The following IMPG2 variants were observed in gnomAD, a reference collection of about 807,000 sequenced individuals.
The protein encoded by IMPG2 is interphotoreceptor matrix proteoglycan 2, also known as IPM 200.
A neutral mutation model predicts 129.2 loss-of-function variants in IMPG2; 91 were observed. The observed-to-expected ratio is 0.70, with a 90% CI of 0.59 to 0.84. The LOEUF (loss-of-function observed/expected upper bound fraction) is 0.84. Among genes scored for constraint, IMPG2 ranks in the 40% least tolerant of loss-of-function variants. The probability of loss-of-function intolerance (pLI) is 0.00; values close to 1 mark genes in which losing one functional copy is unlikely to be tolerated. For missense variants in IMPG2, 1,430 were observed against 1,461.7 expected (o/e 0.98, Z 0.35); for synonymous variants, 510 against 517.7 (o/e 0.99, Z 0.20).
In IMPG2 at chr3:101,296,836, C is replaced by T. The variant is rs550042947; in HGVS notation, c.502-5326G>A. On this transcript the variant is annotated intron_variant, in intron 3 of 18. Transcript: ENST00000193391. ...GGGTGTATGTGTCCAGGAATTTATC[C>T]GTGTCTTCTAGATTTTCTAGTTTAT... 2.0e-5 allele frequency among the ~76,000 whole-genome samples: 3 copies of T among 152,164 alleles called. No homozygotes were observed. The South Asian group carries it at 6.2e-4, about 32-fold the overall frequency.
At chr3:101,248,724 C>T (rs1438333379) in intron 11 of IMPG2, among the ~76,000 whole-genome samples, 2 of 152,216 alleles carry the variant, frequency 1.3e-5, no homozygotes, top group Non-Finnish European at 2.9e-5. Context: ...ACTAAAAGCA[C>T]TCTGTCTAAC....
At chr3:101,308,262 C>T (rs1478482512) in intron 2 of IMPG2, among the ~76,000 whole-genome samples, 4 of 121,568 alleles carry the variant, frequency 3.3e-5, no homozygotes. Context: ...CTAGTCAGTG[C>T]CCCAGTGGGG....
rs146467197 is a variant in IMPG2, at chr3:101,307,475, A to G, written c.335-3163T>C. Among the ~76,000 whole-genome samples, 899 of 152,302 alleles carry G rather than the reference A, an allele frequency of 5.9e-3. 6 individuals carry two copies. Among genetic ancestry groups the G allele is most frequent in the African/African-American group, 0.021 (865 of 41,546 alleles). On this transcript the variant is annotated intron_variant, in intron 2 of 18. Transcript: ENST00000193391. ...GGGAGGCCTCAGGAAACTTACAATCATGGTGGAAGGGAAGCAAACACATCC... is the reference window on the plus strand; with the variant it reads ...GGGAGGCCTCAGGAAACTTACAATCGTGGTGGAAGGGAAGCAAACACATCC...
In IMPG2 at chr3:101,245,824, A is replaced by G. The variant is rs906816401; in HGVS notation, c.1521T>C (p.Ser507=). The change falls in exon 12 of 19, where the codon TCT becomes TCC. Residue 507 remains serine, a synonymous_variant. Transcript: ENST00000193391. ...GLPVASEERT[S]GSHLVEDGLA... is the part of the protein sequence containing the mutation. ...CACCATCTTCTACCAAGTGAGATCCAGAAGTCCTTTCCTCAGAAGCCACAG... is the reference window on the plus strand; with the variant it reads ...CACCATCTTCTACCAAGTGAGATCCGGAAGTCCTTTCCTCAGAAGCCACAG... 4 of 1,614,168 alleles carry G rather than the reference A, an allele frequency of 2.5e-6. No homozygotes were observed. Among genetic ancestry groups the G allele is most frequent in the Admixed American group, 1.7e-5 (1 of 60,014 alleles).
intron 4 of IMPG2, among the ~76,000 whole-genome samples, chr3:101,278,321 A>G (rs552330389): frequency 6.6e-6 from 1 of 152,278 alleles, no homozygotes; most frequent in African/African-American, 2.4e-5. Flanking sequence ...TATCTCCCTC[A>G]TAGACGTGCC....
At chr3:101,273,847 T>G (rs1706813477) in intron 6 of IMPG2, 105 bp from the exon 7 acceptor site, 1 of 1,100,756 alleles carries the variant, frequency 9.1e-7, no homozygotes, top group Non-Finnish European at 1.4e-6. Flanking sequence ...AGGCAGCTTC[T>G]GAAGATAATC....
At chr3:101,259,107 C>T (rs952590957) in intron 9 of IMPG2, among the ~76,000 whole-genome samples, 10 of 152,084 alleles carry the variant, frequency 6.6e-5, no homozygotes, top group African/African-American at 2.4e-4. Context: ...CTCTCAGTAG[C>T]TTCAATTAAA....
At position 101,226,251 on chromosome 3, in the gene IMPG2, A is replaced by G. The variant is rs1222340886; in HGVS notation, c.*718T>C. The G allele has an allele frequency of 3.8e-5, 1 of 26,106 alleles. No homozygotes were observed. Among genetic ancestry groups the G allele is most frequent in the African/African-American group, 1.1e-4 (1 of 9,222 alleles). The allele number at this position is 26,106 out of a possible 1,614,324, so 1.6% of individuals were successfully genotyped here. A position where few individuals can be genotyped will look rare whatever the true frequency, so the allele number is the denominator to read the frequency against. On this transcript the variant is annotated 3_prime_UTR_variant, in exon 19 of 19. Transcript: ENST00000193391. ...TATATATATATATATATATATATAT[A>G]TATATATATATATATATATATATAT...
At chr3:101,266,169 G>A (rs779095181) in intron 9 of IMPG2, among the ~76,000 whole-genome samples, 7 of 152,090 alleles carry the variant, frequency 4.6e-5, no homozygotes, top group Non-Finnish European at 7.4e-5. Flanking sequence ...ACAAATGGAA[G>A]TACCATATGA....
chr3:101,241,591 G>T (rs1201543425), intron 14 of IMPG2, among the ~76,000 whole-genome samples: 1 of 152,148 alleles, frequency 6.6e-6, no homozygotes, highest in Non-Finnish European at 1.5e-5. Flanking sequence ...CTGGTCCAAA[G>T]GAGAGATCAT....
chr3:101,283,419 G>A (rs1390507097), intron 4 of IMPG2, among the ~76,000 whole-genome samples: 6 of 151,990 alleles, frequency 3.9e-5, no homozygotes, highest in African/African-American at 1.2e-4. Context: ...AGTTTTTATT[G>A]AGTGATTTTC....
In IMPG2 at chr3:101,248,121, A is replaced by T. The variant is rs557203522; in HGVS notation, c.1240-2016T>A. The stretch of plus-strand genomic sequence containing the variant: ...CCATGAAGAGAGCTAACCCAAAACA[A>T]GGTGATATGGTTTGACTGTGTCCCC... On this transcript the variant is annotated intron_variant, in intron 11 of 18. Transcript: ENST00000193391. Among the ~76,000 whole-genome samples the T allele has an allele frequency of 7.9e-5, 12 of 152,298 alleles. No homozygotes were observed. The East Asian group carries it at 1.2e-3, about 15-fold the overall frequency.
At position 101,246,000 on chromosome 3, in the gene IMPG2, G is replaced by T; in HGVS notation, c.1345C>A (p.Leu449Ile). 5.6e-6 allele frequency: 9 copies of T among 1,614,140 alleles called. No homozygotes were observed. The highest frequency in any genetic ancestry group is 7.6e-6 in the Non-Finnish European group (9 of 1,180,008). The change falls in exon 12 of 19, where the codon CTC (leucine) becomes ATC (isoleucine). Residue 449 changes from leucine (L) to isoleucine (I), a missense_variant. Physicochemically the swap from Leu to Ile is conservative, Grantham distance 5. Transcript: ENST00000193391. ...SGPPSATGRE[L>I]WSESPLGDLV... ...TCACCCAAAGGACTTTCTGACCAGA[G>T]TTCCCTGCCAGTGGCTGAGGGAGGA...
At chr3:101,271,213 T>C (rs1281214732) in intron 7 of IMPG2, among the ~76,000 whole-genome samples, 1 of 152,210 alleles carries the variant, frequency 6.6e-6, no homozygotes, top group Non-Finnish European at 1.5e-5. Flanking sequence ...CTGTTTCTGC[T>C]GGCAGACAGT....
At chr3:101,232,700 C>G (rs1706302528) in intron 15 of IMPG2, 81 bp downstream of exon 15, 2 of 1,183,604 alleles carry the variant, frequency 1.7e-6, no homozygotes, top group Non-Finnish European at 2.5e-6. Context: ...AATAAGTATC[C>G]TAAAATTATA....
chr3:101,291,785 T>G (rs1008829374), intron 3 of IMPG2, among the ~76,000 whole-genome samples: 13 of 152,206 alleles, frequency 8.5e-5, no homozygotes, highest in African/African-American at 3.1e-4. Flanking sequence ...GCCAATCATC[T>G]TATGAACATA....
intron 11 of IMPG2, among the ~76,000 whole-genome samples, chr3:101,247,320 G>A (rs1164153125): frequency 2.0e-5 from 3 of 152,088 alleles, no homozygotes; most frequent in African/African-American, 7.2e-5. Context: ...ATTTGAGGCC[G>A]GGAGTGGTGG....
intron 3 of IMPG2, among the ~76,000 whole-genome samples, chr3:101,302,817 C>T (rs930163239): frequency 2.6e-5 from 4 of 152,030 alleles, no homozygotes; most frequent in African/African-American, 7.2e-5. Flanking sequence ...TTAAAAGTTG[C>T]GTTCATTTTA....
chr3:101,267,639 A>G (rs527516258), intron 8 of IMPG2, 108 bp from the exon 9 acceptor site: 1 of 924,270 alleles, frequency 1.1e-6, no homozygotes, highest in African/African-American at 1.6e-5. Context: ...TTTCTTTGAA[A>G]TGCTTCCTTA....
Sources: allele counts gnomAD v4.1 joint callset (sites outside exome capture counted in the v4.1 genomes callset), GRCh38; gene constraint gnomAD v4.1.1; transcripts MANE v1.5; gene names NCBI Gene and HGNC (gene_info 2026-07-23, HGNC 2026-07-21).